LSM12: variants seen among roughly 807,000 people sequenced by gnomAD.
LSM12 encodes the protein LSM12 homolog.
For synonymous variants in LSM12, 74 were observed against 87.3 expected, an observed-to-expected ratio of 0.85 and a Z score of 0.85; for missense variants, 108 against 238.9, an observed-to-expected ratio of 0.45 and a Z score of 3.61.
chr17:44,054,850 T>A (rs1407863462), intron 2 of LSM12, among the ~76,000 whole-genome samples: 2 of 151,266 alleles, frequency 1.3e-5, no homozygotes, highest in East Asian at 1.9e-4. Flanking sequence ...TTTTTTTTTT[T>A]AATTTTGAGA....
chr17:44,046,709 CAAAAAAAAAA>C (rs542504532), intron 2 of LSM12, among the ~76,000 whole-genome samples: 3 of 42,692 alleles, frequency 7.0e-5, no homozygotes, highest in Non-Finnish European at 1.3e-4. Flanking sequence ...GACTCCGTCT[CAAAAAAAAAA>C]AAAAAAAAGG....
chr17:44,050,867 G>C (rs1167551466), intron 2 of LSM12, among the ~76,000 whole-genome samples: 2 of 152,198 alleles, frequency 1.3e-5, no homozygotes, highest in African/African-American at 2.4e-5. Flanking sequence ...AGGCATGGTA[G>C]CTCACAACTG....
At chr17:44,047,923 C>T (rs933347955) in intron 2 of LSM12, among the ~76,000 whole-genome samples, 1 of 151,606 alleles carries the variant, frequency 6.6e-6, no homozygotes, top group Non-Finnish European at 1.5e-5. Flanking sequence ...GTCACTCACA[C>T]CTGTAATCCT....
At chr17:44,048,020 C>A (rs1597888645) in intron 2 of LSM12, among the ~76,000 whole-genome samples, 1 of 7,440 alleles carries the variant, frequency 1.3e-4, no homozygotes, top group Non-Finnish European at 2.2e-4. Context: ...CCGTATTAAA[C>A]ACACACACAC....
At chr17:44,062,090 C>T (rs1341588664) in intron 2 of LSM12, among the ~76,000 whole-genome samples, 1 of 151,982 alleles carries the variant, frequency 6.6e-6, no homozygotes, top group Non-Finnish European at 1.5e-5. Context: ...GGCGTGGTGT[C>T]GGGCGCCTGT....
chr17:44,036,428 C>A, intron 4 of LSM12, 128 bp from the exon 5 acceptor site: 1 of 1,258,784 alleles, frequency 7.9e-7, no homozygotes, highest in East Asian at 2.5e-5. Flanking sequence ...CACCTTTGCC[C>A]TTGCTGTCTA....
intron 2 of LSM12, among the ~76,000 whole-genome samples, chr17:44,044,768 T>G (rs2049539522): frequency 6.6e-6 from 1 of 152,226 alleles, no homozygotes; most frequent in Admixed American, 6.5e-5. Context: ...TCATGAAAAC[T>G]CATGCAGAAC....
chr17:44,039,519 C>T (rs1362401543), intron 3 of LSM12, among the ~76,000 whole-genome samples: 1 of 150,494 alleles, frequency 6.6e-6, no homozygotes, highest in Non-Finnish European at 1.5e-5. Flanking sequence ...GTAGCTGGGA[C>T]TACAGGCGCC....
At chr17:44,054,620 A>T (rs1567960452) in intron 2 of LSM12, among the ~76,000 whole-genome samples, 1 of 152,010 alleles carries the variant, frequency 6.6e-6, no homozygotes, top group Non-Finnish European at 1.5e-5. Flanking sequence ...GGTGATTTTT[A>T]AAATGGCAAT....
intron 2 of LSM12, among the ~76,000 whole-genome samples, chr17:44,052,988 A>C (rs1191627077): frequency 1.3e-5 from 2 of 152,142 alleles, no homozygotes. Context: ...GAGAACTAAC[A>C]ACCTCCAGTT....
chr17:44,060,806 G>GA (rs2049785686), intron 2 of LSM12, among the ~76,000 whole-genome samples: 1 of 152,232 alleles, frequency 6.6e-6, no homozygotes, highest in African/African-American at 2.4e-5. Context: ...TCAAACATAA[G>GA]AAGAGAACTG....
rs1332572126 is a variant in LSM12, at chr17:44,035,895, GAAGTA to G, written c.*308_*312del. On this transcript the variant is annotated 3_prime_UTR_variant, in exon 5 of 5. Transcript: ENST00000293406. ...GGAACAAACTAGGAAAGGAAAGTCAGAAGTAAAGGGCAGAGTGGGAAAATAATTTT... is the reference window on the plus strand; with the variant it reads ...GGAACAAACTAGGAAAGGAAAGTCAGAAGGGCAGAGTGGGAAAATAATTTT... The G allele has an allele frequency of 9.5e-5, 15 of 158,550 alleles. No individual in the cohort carries two copies. The highest frequency in any genetic ancestry group is 1.5e-4 in the Non-Finnish European group (12 of 77,722). 9.8% of individuals were successfully genotyped at this position (158,550 alleles called of 1,614,324 possible).
intron 1 of LSM12, 100 bp downstream of exon 1, chr17:44,066,364 T>G (rs981756335): frequency 6.9e-7 from 1 of 1,445,896 alleles, no homozygotes; most frequent in African/African-American, 1.5e-5. Flanking sequence ...CGGTCGCCCC[T>G]AGGCCCGGAG....
At position 44,066,657 on chromosome 17, in the gene LSM12, C is replaced by G. The variant is rs2049884641; in HGVS notation, c.-70G>C. 1 of 1,268,670 alleles carries G rather than the reference C, an allele frequency of 7.9e-7. No individual in the cohort carries two copies. The highest frequency in any genetic ancestry group is 1.6e-5 in the African/African-American group (1 of 63,832). 78.6% of individuals were successfully genotyped at this position (1,268,670 alleles called of 1,614,324 possible). A position where few individuals can be genotyped will look rare whatever the true frequency, so the allele number is the denominator to read the frequency against. On this transcript the variant is annotated 5_prime_UTR_variant, in exon 1 of 5. Transcript: ENST00000293406. ...GCGAAAGCCGGGCCCCCAGTGAGCG[C>G]CGCGACGCGACGGCGCGCACGGAGC... is the stretch of plus-strand genomic sequence containing the variant.
intron 2 of LSM12, among the ~76,000 whole-genome samples, chr17:44,055,660 G>C (rs2049702314): frequency 1.4e-5 from 2 of 146,468 alleles, no homozygotes; most frequent in Admixed American, 1.4e-4. Context: ...CTGGGTGAGA[G>C]TGAGACCCTG....
At chr17:44,041,111 A>T (rs1204712536) in intron 2 of LSM12, among the ~76,000 whole-genome samples, 2 of 151,524 alleles carry the variant, frequency 1.3e-5, no homozygotes, top group Non-Finnish European at 2.9e-5. Context: ...TCTCTACTAA[A>T]ATTACAAAAA....
chr17:44,062,613 A>G (rs1328460637), intron 2 of LSM12, among the ~76,000 whole-genome samples: 1 of 152,086 alleles, frequency 6.6e-6, no homozygotes, highest in Non-Finnish European at 1.5e-5. Context: ...AGGGCCGGGC[A>G]TGGTGGCTGA....
intron 2 of LSM12, among the ~76,000 whole-genome samples, chr17:44,042,901 C>T (rs1181529832): frequency 6.6e-6 from 1 of 151,806 alleles, no homozygotes; most frequent in African/African-American, 2.4e-5. Flanking sequence ...CAGGATTTCA[C>T]CATGTTGGCC....
chr17:44,039,474 C>T (rs62078882), intron 3 of LSM12, among the ~76,000 whole-genome samples: 18 of 149,098 alleles, frequency 1.2e-4, no homozygotes, highest in African/African-American at 2.2e-4. Flanking sequence ...CTCCGCCTCC[C>T]GGGTTCACGC....
Sources: allele counts gnomAD v4.1 joint callset (sites outside exome capture counted in the v4.1 genomes callset), GRCh38; gene constraint gnomAD v4.1.1; transcripts MANE v1.5; gene names NCBI Gene and HGNC (gene_info 2026-07-23, HGNC 2026-07-21).